Variants in PTPRN2 observed in about 807,000 individuals in gnomAD.
PTPRN2 encodes receptor-type tyrosine-protein phosphatase N2.
A neutral mutation model predicts 118.8 loss-of-function variants in PTPRN2; 74 were observed. The observed-to-expected ratio is 0.62, with a 90% CI of 0.52 to 0.76. The LOEUF (loss-of-function observed/expected upper bound fraction) is 0.76, where lower values mean the gene tolerates loss of function less well. Among genes scored for constraint, PTPRN2 ranks in the 30% least tolerant of loss-of-function variants. The pLI is 0.00. For missense variants in PTPRN2, 1,481 were observed against 1,394.4 expected (o/e 1.06, Z -0.99); for synonymous variants, 641 against 608.0 (o/e 1.05, Z -0.80).
At chr7:157,759,442 T>G (rs760377604) in intron 12 of PTPRN2, among the ~76,000 whole-genome samples, 4 of 152,244 alleles carry the variant, frequency 2.6e-5, no homozygotes, top group Non-Finnish European at 4.4e-5. Context: ...TCTGCTAGTG[T>G]CAGCCGCTTG....
At chr7:158,159,613 G>C (rs1406363619) in intron 6 of PTPRN2, among the ~76,000 whole-genome samples, 1 of 152,076 alleles carries the variant, frequency 6.6e-6, no homozygotes, top group Non-Finnish European at 1.5e-5. Flanking sequence ...AGTGTGGCTG[G>C]TGTTTGATCA....
rs951567522 is a variant in PTPRN2, at chr7:157,674,834, C to T, written c.2001+7891G>A. On this transcript the variant is annotated intron_variant, in intron 13 of 22. Transcript: ENST00000389418. This position sits in a 1 kb window ranked among gnomAD's most constrained non-coding sequence, Gnocchi z 4.5. The stretch of plus-strand genomic sequence containing the variant: ...GGGCGTCTCCTCCCACGCCGAGCTC[C>T]TCCTGCCGGGGGGGTCTGCACAGTT... Among the ~76,000 whole-genome samples the T allele has an allele frequency of 2.0e-5, 3 of 152,206 alleles. No individual in the cohort carries two copies. Among genetic ancestry groups the T allele is most frequent in the African/African-American group, 7.2e-5 (3 of 41,458 alleles).
At chr7:157,909,385 C>T (rs1050340741) in intron 11 of PTPRN2, among the ~76,000 whole-genome samples, 2 of 152,128 alleles carry the variant, frequency 1.3e-5, no homozygotes, top group African/African-American at 4.8e-5. Context: ...ACTCTATACA[C>T]TGGGGGGGGG....
chr7:158,472,757 G>A (rs952502456), intron 2 of PTPRN2, among the ~76,000 whole-genome samples: 2 of 152,152 alleles, frequency 1.3e-5, no homozygotes, highest in South Asian at 2.1e-4. Flanking sequence ...ATTAGACGGC[G>A]CCTCTAAAAT....
intron 11 of PTPRN2, among the ~76,000 whole-genome samples, chr7:157,931,925 C>A (rs1799382772): frequency 1.3e-5 from 2 of 152,114 alleles, no homozygotes. Flanking sequence ...TAAGTTGCTT[C>A]CCCTCCCCCC....
intron 12 of PTPRN2, among the ~76,000 whole-genome samples, chr7:157,776,206 TCC>T: frequency 7.2e-6 from 1 of 139,442 alleles, no homozygotes; most frequent in South Asian, 2.6e-4. Flanking sequence ...CTCCCTCTCC[TCC>T]TCCATCTCCT....
intron 4 of PTPRN2, among the ~76,000 whole-genome samples, chr7:158,194,715 C>A (rs938090859): frequency 2.0e-5 from 3 of 152,230 alleles, no homozygotes; most frequent in Admixed American, 6.5e-5. Flanking sequence ...GCCTCAGAGC[C>A]CTGGGGCATG....
At position 157,619,808 on chromosome 7, in the gene PTPRN2, G is replaced by A. The variant is rs1396479364; in HGVS notation, c.2344+1554C>T. Among the ~76,000 whole-genome samples, 1 of 152,234 alleles carries A rather than the reference G, an allele frequency of 6.6e-6. No homozygotes were observed. Among genetic ancestry groups the A allele is most frequent in the East Asian group, 1.9e-4 (1 of 5,192 alleles). Reference sequence around the variant, plus strand: ...GAGGGCTGGAAGGAGGGCAAGGGCAGTGCCTCTCCCTGGCGTGGGGGGCTG... The same window carrying A: ...GAGGGCTGGAAGGAGGGCAAGGGCAATGCCTCTCCCTGGCGTGGGGGGCTG... On this transcript the variant is annotated intron_variant, in intron 15 of 22. Coordinates refer to ENST00000389418, the MANE Select transcript of PTPRN2 (RefSeq NM_002847.5). The surrounding 1 kb of genome is among the most constrained non-coding windows in gnomAD (Gnocchi z 5.3).
intron 12 of PTPRN2, among the ~76,000 whole-genome samples, chr7:157,723,973 T>C (rs1465370930): frequency 1.3e-5 from 2 of 152,248 alleles, no homozygotes; most frequent in Non-Finnish European, 2.9e-5. Flanking sequence ...TGTTGATTTA[T>C]GTAGAATTTA....
At chr7:157,972,740 G>A (rs9638112) in intron 11 of PTPRN2, among the ~76,000 whole-genome samples, 21,648 of 137,318 alleles carry the variant, frequency 0.16, 1,897 homozygotes, top group Non-Finnish European at 0.18. Context: ...CAGAGACCAC[G>A]GGCACTCCAC....
rs1470046963 is a variant in PTPRN2 at position 158,517,505 on chromosome 7, C to T, written c.113-27720G>A. Among the ~76,000 whole-genome samples the T allele has an allele frequency of 6.6e-6, 1 of 152,194 alleles. No homozygotes were observed. The highest frequency in any genetic ancestry group is 1.5e-5 in the Non-Finnish European group (1 of 68,026). ...ACTCTGCCTCAGCCCCACCGCCCCC[C>T]AGCCTGAGCCCCGTTCCACCTCCTC... On this transcript the variant is annotated intron_variant, in intron 1 of 22. Transcript: ENST00000389418. The surrounding 1 kb of genome is among the most constrained non-coding windows in gnomAD (Gnocchi z 5.3).
At chr7:158,181,436 A>C (rs2150660730) in intron 5 of PTPRN2, among the ~76,000 whole-genome samples, 1 of 152,248 alleles carries the variant, frequency 6.6e-6, no homozygotes, top group Admixed American at 6.5e-5. Flanking sequence ...TTAGTGTCAG[A>C]GTGATACTGG....
intron 2 of PTPRN2, among the ~76,000 whole-genome samples, chr7:158,340,502 A>T (rs372476092): frequency 0.076 from 6,603 of 86,640 alleles, 7 homozygotes; most frequent in Non-Finnish European, 0.1. Context: ...ACACCTGCAG[A>T]CGTCACTCAC....
chr7:158,044,234 A>AT (rs1360545637), intron 11 of PTPRN2, among the ~76,000 whole-genome samples: 1 of 152,182 alleles, frequency 6.6e-6, no homozygotes, highest in Non-Finnish European at 1.5e-5. Context: ...CAGAGGCAGG[A>AT]GGGGGAATCC....
intron 3 of PTPRN2, among the ~76,000 whole-genome samples, chr7:158,279,726 C>A (rs1799282885): frequency 6.6e-6 from 1 of 152,180 alleles, no homozygotes; most frequent in Non-Finnish European, 1.5e-5. Flanking sequence ...CTCCACACCT[C>A]CCCGCAAGCA....
intron 2 of PTPRN2, among the ~76,000 whole-genome samples, chr7:158,363,496 C>T (rs755736360): frequency 6.6e-6 from 1 of 152,208 alleles, no homozygotes; most frequent in Non-Finnish European, 1.5e-5. Context: ...GCAGCCCCGT[C>T]GAAGCCTGCA....
At chr7:158,191,773 C>T (rs1488232250) in intron 5 of PTPRN2, among the ~76,000 whole-genome samples, 9 of 152,210 alleles carry the variant, frequency 5.9e-5, no homozygotes, top group Admixed American at 2.0e-4. Context: ...GTCTGTGTGC[C>T]CAGGGCATCA....
intron 5 of PTPRN2, among the ~76,000 whole-genome samples, chr7:158,168,546 C>T (rs1192975027): frequency 1.3e-5 from 2 of 152,190 alleles, no homozygotes; most frequent in Non-Finnish European, 2.9e-5. Context: ...GCCTCAAGTG[C>T]CTTGTCTGGA....
chr7:158,023,368 G>A (rs1387239561), intron 11 of PTPRN2, among the ~76,000 whole-genome samples: 5 of 152,122 alleles, frequency 3.3e-5, no homozygotes, highest in African/African-American at 7.2e-5. Flanking sequence ...GCTGCACTCC[G>A]TGGCCAGTGC....
Sources: allele counts gnomAD v4.1 joint callset (sites outside exome capture counted in the v4.1 genomes callset), GRCh38; gene constraint gnomAD v4.1.1; non-coding constraint Gnocchi (gnomAD v3.1); transcripts MANE v1.5; gene names NCBI Gene and HGNC (gene_info 2026-07-23, HGNC 2026-07-21).